The following IL1R2 variants were observed in gnomAD, a reference collection of about 807,000 sequenced individuals.
IL1R2 encodes interleukin 1 receptor type 2.
IL1R2 carries 46 observed loss-of-function variants against 39.5 expected under a neutral mutation model. That is an observed-to-expected ratio of 1.16 (90% CI 0.92 to 1.49). The LOEUF is 1.49. Among genes scored for constraint, IL1R2 ranks in the 40% most tolerant of loss-of-function variants. The pLI, the probability that IL1R2 is intolerant of heterozygous loss-of-function variation, is 0.00. For missense variants in IL1R2, 537 were observed against 502.0 expected (o/e 1.07, Z -0.67); for synonymous variants, 207 against 189.6 (o/e 1.09, Z -0.75).
chr2:102,024,048 C>CAAAAAAAAAAAAAAA (rs767273520), intron 6 of IL1R2, among the ~76,000 whole-genome samples: 1 of 139,956 alleles, frequency 7.1e-6, no homozygotes, highest in African/African-American at 2.9e-5. Context: ...GACTCCATCT[C>CAAAAAAAAAAAAAAA]AAAAACAAAA....
chr2:102,024,766 CT>C, intron 7 of IL1R2, 98 bp downstream of exon 7: 17 of 1,401,708 alleles, frequency 1.2e-5, no homozygotes, highest in Admixed American at 2.6e-5. Flanking sequence ...TTAAAAGTTA[CT>C]TTTTTTGATT....
chr2:102,002,769 T>TATCTA (rs1675964051), intron 1 of IL1R2, among the ~76,000 whole-genome samples: 1 of 151,752 alleles, frequency 6.6e-6, no homozygotes. Context: ...TCTATATCTA[T>TATCTA]ATCTATATCT....
intron 3 of IL1R2, among the ~76,000 whole-genome samples, chr2:102,014,641 T>C (rs3218890): frequency 2.0e-5 from 3 of 151,802 alleles, no homozygotes; most frequent in African/African-American, 4.8e-5. Flanking sequence ...TTCTTTCACC[T>C]TTTTTTTACA....
At chr2:102,008,156 C>G (rs541668685) in intron 1 of IL1R2, among the ~76,000 whole-genome samples, 1 of 152,206 alleles carries the variant, frequency 6.6e-6, no homozygotes, top group African/African-American at 2.4e-5. Context: ...GGAGACCTCA[C>G]GAAGAAAGTG....
At chr2:102,010,169 A>G (rs191613778) in intron 3 of IL1R2, 48 of 263,588 alleles carry the variant, frequency 1.8e-4, no homozygotes, top group African/African-American at 9.9e-4. Flanking sequence ...ATGTTTGTCT[A>G]CCCATTAGAA....
chr2:102,009,376 C>T (rs1256101584), intron 2 of IL1R2, among the ~76,000 whole-genome samples, 186 bp from the exon 3 acceptor site: 6 of 152,154 alleles, frequency 3.9e-5, no homozygotes, highest in Non-Finnish European at 7.4e-5. Flanking sequence ...AGTATAATAA[C>T]GGGGTAGGGA....
At chr2:101,993,560 G>A (rs62154577) in intron 1 of IL1R2, among the ~76,000 whole-genome samples, 3,912 of 152,002 alleles carry the variant, frequency 0.026, 154 homozygotes, top group African/African-American at 0.088. Context: ...GTCTGTCTTT[G>A]TTTCTCTCTG....
chr2:102,025,222 G>A (rs1677659083), intron 7 of IL1R2, among the ~76,000 whole-genome samples: 1 of 152,222 alleles, frequency 6.6e-6, no homozygotes, highest in African/African-American at 2.4e-5. Flanking sequence ...GGAACTTGTT[G>A]CCTGTGAGGG....
At chr2:102,005,797 A>G (rs958402360) in intron 1 of IL1R2, among the ~76,000 whole-genome samples, 4 of 152,212 alleles carry the variant, frequency 2.6e-5, no homozygotes, top group African/African-American at 9.7e-5. Flanking sequence ...GGGTTCTATT[A>G]TTGGGAAAGC....
intron 1 of IL1R2, among the ~76,000 whole-genome samples, chr2:101,997,518 CT>C (rs1323629298): frequency 6.6e-6 from 1 of 152,210 alleles, no homozygotes; most frequent in Non-Finnish European, 1.5e-5. Flanking sequence ...GTGGGGCAGT[CT>C]TCCCCCACTT....
intron 6 of IL1R2, among the ~76,000 whole-genome samples, chr2:102,024,048 C>CAAAAAAAAAAA (rs767273520): frequency 3.6e-5 from 5 of 139,942 alleles, no homozygotes; most frequent in African/African-American, 5.8e-5. Flanking sequence ...GACTCCATCT[C>CAAAAAAAAAAA]AAAAACAAAA....
chr2:101,998,338 C>A (rs949695944), intron 1 of IL1R2, among the ~76,000 whole-genome samples: 3 of 152,190 alleles, frequency 2.0e-5, no homozygotes, highest in African/African-American at 7.2e-5. Context: ...GTTTTCCTGT[C>A]TCCTCTGTTA....
Position 102,008,495 on chromosome 2 carries a change from A to G in IL1R2, c.-61-20A>G, listed in dbSNP as rs1265564792. The G allele has an allele frequency of 9.4e-7, 1 of 1,068,946 alleles. No individual in the cohort carries two copies. The highest frequency in any genetic ancestry group is 1.6e-5 in the African/African-American group (1 of 64,192). 66.2% of individuals were successfully genotyped at this position (1,068,946 alleles called of 1,614,324 possible). A position where few individuals can be genotyped will look rare whatever the true frequency, so the allele number is the denominator to read the frequency against. On this transcript the variant is annotated intron_variant, in intron 1 of 8. Coordinates refer to ENST00000332549, the MANE Select transcript of IL1R2 (RefSeq NM_004633.4). ...TGCAGGGTTCTTGGTTCCTGGTGAC[A>G]CCTCTGTTTCCTCCCCTAGGCCACG...
chr2:102,000,295 C>T (rs916202230), intron 1 of IL1R2, among the ~76,000 whole-genome samples: 1 of 152,220 alleles, frequency 6.6e-6, no homozygotes, highest in Non-Finnish European at 1.5e-5. Context: ...ATGCCCATTT[C>T]ACAGATGAGG....
At chr2:102,006,080 C>T (rs539430359) in intron 1 of IL1R2, among the ~76,000 whole-genome samples, 1 of 152,238 alleles carries the variant, frequency 6.6e-6, no homozygotes, top group Non-Finnish European at 1.5e-5. Context: ...GTCCCTAAAA[C>T]ACCAGCTTTG....
At position 102,024,944 on chromosome 2, in the gene IL1R2, A is replaced by G. The variant is rs574103670; in HGVS notation, c.887+276A>G. 3.3e-5 allele frequency: 12 copies of G among 365,310 alleles called. No homozygotes were observed. The South Asian group carries it at 3.9e-4, about 12-fold the overall frequency. 22.6% of individuals were successfully genotyped at this position (365,310 alleles called of 1,614,324 possible). On this transcript the variant is annotated intron_variant, in intron 7 of 8. Coordinates refer to ENST00000332549, the MANE Select transcript of IL1R2 (RefSeq NM_004633.4). ...TAAACATTGATCCTTTTATTTTCGCAAGTTAAAAAATATTTTGGAGTTCAT... is the reference window on the plus strand; with the variant it reads ...TAAACATTGATCCTTTTATTTTCGCGAGTTAAAAAATATTTTGGAGTTCAT...
chr2:102,012,435 G>A (rs1338863646), intron 3 of IL1R2, among the ~76,000 whole-genome samples: 5 of 152,168 alleles, frequency 3.3e-5, no homozygotes, highest in African/African-American at 7.2e-5. Context: ...AAGTACTGGT[G>A]AATGGAAAAA....
chr2:102,004,958 G>T (rs540290543), intron 1 of IL1R2, among the ~76,000 whole-genome samples: 1 of 152,148 alleles, frequency 6.6e-6, no homozygotes, highest in Non-Finnish European at 1.5e-5. Context: ...TTTAGGATTC[G>T]TTCTACTGGA....
At chr2:102,023,757 A>T (rs1198167226) in intron 6 of IL1R2, 1 of 152,266 alleles carries the variant, frequency 6.6e-6, no homozygotes, top group East Asian at 1.9e-4. Flanking sequence ...TAGAAAACAC[A>T]GAGTTTTTGG....
Sources: allele counts gnomAD v4.1 joint callset (sites outside exome capture counted in the v4.1 genomes callset), GRCh38; gene constraint gnomAD v4.1.1; transcripts MANE v1.5; gene names NCBI Gene and HGNC (gene_info 2026-07-23, HGNC 2026-07-21).